F2: variants seen among roughly 807,000 people sequenced by gnomAD.
F2 encodes prothrombin.
A neutral mutation model predicts 81.9 loss-of-function variants in F2; 34 were observed. The observed-to-expected ratio is 0.42, with a 90% confidence interval of 0.32 to 0.55. The LOEUF is 0.55. Among genes scored for constraint, F2 ranks in the 20% least tolerant of loss-of-function variants. The probability of loss-of-function intolerance (pLI) is 0.18; values close to 1 mark genes in which losing one functional copy is unlikely to be tolerated. For missense variants in F2, 630 were observed against 833.4 expected, an observed-to-expected ratio of 0.76 and a Z score of 3.00; for synonymous variants, 296 against 326.4, an observed-to-expected ratio of 0.91 and a Z score of 1.01.
chr11:46,721,841 A>ATTTT (rs1195063307), intron 4 of F2, among the ~76,000 whole-genome samples: 3 of 130,010 alleles, frequency 2.3e-5, no homozygotes, highest in Non-Finnish European at 3.3e-5. Context: ...CCATACTTTC[A>ATTTT]TTTTTTTTTT....
chr11:46,727,984 T>G lies in F2; in HGVS notation c.1131-12T>G. On this transcript the variant is annotated splice_polypyrimidine_tract_variant and intron_variant, in intron 9 of 13. Transcript: ENST00000311907. ...ATCCTCAGCTCCTAATGCTTCCTGCTGCCCCTCCCAGGCAGGTGATGCTTT... is the reference window on the plus strand; with the variant it reads ...ATCCTCAGCTCCTAATGCTTCCTGCGGCCCCTCCCAGGCAGGTGATGCTTT... 1 of 1,604,716 alleles carries G rather than the reference T, an allele frequency of 6.2e-7. No individual in the cohort carries two copies. Among genetic ancestry groups the G allele is most frequent in the Non-Finnish European group, 8.5e-7 (1 of 1,176,652 alleles).
rs1035009675 is a variant in F2, at chr11:46,726,978, C to T, written c.1130+141C>T. 1.5e-5 allele frequency: 19 copies of T among 1,284,972 alleles called. No individual in the cohort carries two copies. Among genetic ancestry groups the T allele is most frequent in the East Asian group, 4.7e-5 (2 of 42,778 alleles). 79.6% of individuals were successfully genotyped at this position (1,284,972 alleles called of 1,614,324 possible). On this transcript the variant is annotated intron_variant, in intron 9 of 13. Transcript: ENST00000311907. The surrounding 1 kb of genome is among the most constrained non-coding windows in gnomAD (Gnocchi z 5.9). ...CCAGGATCCCACCAACTCCACACAG[C>T]AGCCACATGAGATGGGTTGTTTACT... is the stretch of plus-strand genomic sequence containing the variant.
chr11:46,720,358 C>A lies in F2; in HGVS notation c.241-165C>A, dbSNP rs3136433. On this transcript the variant is annotated intron_variant, in intron 2 of 13. Transcript: ENST00000311907. Reference sequence around the variant, plus strand: ...AGGAACTCCCCTATCCTCAAATATTCTTCTCCTTTTGGAAACAAAAGTAGG... The same window carrying A: ...AGGAACTCCCCTATCCTCAAATATTATTCTCCTTTTGGAAACAAAAGTAGG... 0.066 allele frequency among the ~76,000 whole-genome samples: 10,035 copies of A among 152,262 alleles called. 388 individuals are homozygous for A. The highest frequency in any genetic ancestry group is 0.09 in the Non-Finnish European group (6,090 of 68,000).
chr11:46,720,848 A>C lies in F2; in HGVS notation c.316+8A>C. 1 of 1,613,526 alleles carries C rather than the reference A, an allele frequency of 6.2e-7. No homozygotes were observed. The highest frequency in any genetic ancestry group is 8.5e-7 in the Non-Finnish European group (1 of 1,179,618). ...TTGCTGCATGTCTGGAAGGTGAGCA[A>C]CTGACACGGGTTTGGGGAGCAGGAC... On this transcript the variant is annotated splice_region_variant and intron_variant, in intron 4 of 13. Coordinates refer to ENST00000311907, the MANE Select transcript of F2 (RefSeq NM_000506.5).
Position 46,719,842 on chromosome 11 carries a change from C to G in F2, c.220C>G (p.Leu74Val), listed in dbSNP as rs954611364. 2 of 1,575,744 alleles carry G rather than the reference C, an allele frequency of 1.3e-6. No homozygotes were observed. The highest frequency in any genetic ancestry group is 2.7e-5 in the African/African-American group (2 of 74,296). The change falls in exon 2 of 14, where the codon CTG becomes GTG. Residue 74 changes from leucine to valine, a missense_variant. By Grantham distance (32) the Leu-to-Val change is conservative. Coordinates refer to ENST00000311907, the MANE Select transcript of F2 (RefSeq NM_000506.5). The surrounding 1 kb of genome is among the most constrained non-coding windows in gnomAD (Gnocchi z 4.7). Reference protein sequence around the residue: ...TCSYEEAFEALESSTATDVFW... With the variant: ...TCSYEEAFEAVESSTATDVFW... ...CAGCTACGAGGAGGCCTTCGAGGCTCTGGAGTCCTCCACGGCTACGGTGAG... is the reference window on the plus strand; with the variant it reads ...CAGCTACGAGGAGGCCTTCGAGGCTGTGGAGTCCTCCACGGCTACGGTGAG...
At position 46,726,477 on chromosome 11, in the gene F2, C is replaced by T; in HGVS notation, c.875-21C>T. On this transcript the variant is annotated intron_variant, in intron 7 of 13. Transcript: ENST00000311907. The surrounding 1 kb of genome is among the most constrained non-coding windows in gnomAD (Gnocchi z 5.9). The stretch of plus-strand genomic sequence containing the variant: ...GAGGAATGGCCCAGCCCAGTCCCAG[C>T]CGGTGCCTGGGTCCCAACAGAGGAG... The T allele has an allele frequency of 6.2e-7, 1 of 1,610,496 alleles. No individual in the cohort carries two copies. Among genetic ancestry groups the T allele is most frequent in the Non-Finnish European group, 8.5e-7 (1 of 1,178,068 alleles).
rs2064891030 is a variant in F2, at chr11:46,728,593, G to A, written c.1299-71G>A. On this transcript the variant is annotated intron_variant, in intron 10 of 13. Transcript: ENST00000311907. The surrounding 1 kb of genome is among the most constrained non-coding windows in gnomAD (Gnocchi z 5.1). ...GGACACACTGTCTCCCAGACCCCAA[G>A]GGCAGGCAGTTTCCTGCTCCTTGCT... 6.3e-7 allele frequency: 1 copy of A among 1,575,960 alleles called. No individual in the cohort carries two copies. Among genetic ancestry groups the A allele is most frequent in the Non-Finnish European group, 8.7e-7 (1 of 1,147,964 alleles).
At position 46,728,706 on chromosome 11, in the gene F2, C is replaced by A; in HGVS notation, c.1341C>A (p.Ile447=). 1 of 1,614,248 alleles carries A rather than the reference C, an allele frequency of 6.2e-7. No homozygotes were observed. The highest frequency in any genetic ancestry group is 8.5e-7 in the Non-Finnish European group (1 of 1,180,050). ...NIEKISMLEK[I]YIHPRYNWRE... is the part of the protein sequence containing the mutation. ...AAAAGATATCCATGTTGGAAAAGAT[C>A]TACATCCACCCCAGGTACAACTGGC... Residue 447 remains isoleucine (I), a synonymous_variant, in exon 11 of 14, where the codon ATC becomes ATA. Transcript: ENST00000311907. The surrounding 1 kb of genome is among the most constrained non-coding windows in gnomAD (Gnocchi z 5.1).
At chr11:46,724,186 G>A (rs146269967) in intron 6 of F2, among the ~76,000 whole-genome samples, 2 of 152,240 alleles carry the variant, frequency 1.3e-5, no homozygotes, top group Non-Finnish European at 2.9e-5. Context: ...TTGGCCCTGC[G>A]GGATTCTGTC....
chr11:46,735,104 G>A (rs1224572369), intron 12 of F2, among the ~76,000 whole-genome samples: 1 of 152,070 alleles, frequency 6.6e-6, no homozygotes, highest in Non-Finnish European at 1.5e-5. Context: ...TTGAGGCCAG[G>A]AATTCAAAAC....
chr11:46,726,521 G>A lies in F2; in HGVS notation c.898G>A (p.Gly300Arg). 6.2e-7 allele frequency: 1 copy of A among 1,613,996 alleles called. No individual in the cohort carries two copies. The highest frequency in any genetic ancestry group is 8.5e-7 in the Non-Finnish European group (1 of 1,179,898). ...YCEEAVEEET[G>R]DGLDEDSDRA... ...AGAGGAGGCCGTGGAGGAGGAGACA[G>A]GAGATGGGCTGGATGAGGACTCAGA... Residue 300 changes from glycine (G) to arginine (R), a missense_variant, in exon 8 of 14, where the codon GGA (glycine) becomes AGA (arginine). Coordinates refer to ENST00000311907, the MANE Select transcript of F2 (RefSeq NM_000506.5). The surrounding 1 kb of genome is among the most constrained non-coding windows in gnomAD (Gnocchi z 5.9).
chr11:46,723,144 C>T lies in F2; in HGVS notation c.317-36C>T, dbSNP rs1480288799. The T allele has an allele frequency of 3.8e-6, 6 of 1,594,576 alleles. No homozygotes were observed. Among genetic ancestry groups the T allele is most frequent in the African/African-American group, 1.3e-5 (1 of 74,466 alleles). On this transcript the variant is annotated intron_variant, in intron 4 of 13. Transcript: ENST00000311907. The surrounding 1 kb of genome is among the most constrained non-coding windows in gnomAD (Gnocchi z 5.6). ...TGCAGGGAGAGAGGAAATAAGTCCC[C>T]AGGCTCCAAGGCTGACCGGGGTGGG...
intron 12 of F2, among the ~76,000 whole-genome samples, chr11:46,734,825 A>G (rs750170246): frequency 1.1e-4 from 16 of 152,136 alleles, no homozygotes; most frequent in Non-Finnish European, 2.9e-5. Flanking sequence ...ACAAAACGAC[A>G]AAAAACAACA....
Position 46,728,539 on chromosome 11 carries a change from C to A in F2, c.1299-125C>A. ...CCCAGGGGGCTGCCATGGCAGGAAC[C>A]AGCCCTATCCCCTCCCTGGTGGCCT... On this transcript the variant is annotated intron_variant, in intron 10 of 13. Transcript: ENST00000311907. This position sits in a 1 kb window ranked among gnomAD's most constrained non-coding sequence, Gnocchi z 5.1. 2 of 1,114,790 alleles carry A rather than the reference C, an allele frequency of 1.8e-6. No individual in the cohort carries two copies. Among genetic ancestry groups the A allele is most frequent in the Non-Finnish European group, 2.7e-6 (2 of 750,762 alleles). The allele number at this position is 1,114,790 out of a possible 1,614,324, so 69.1% of individuals were successfully genotyped here.
rs1208736214 is a variant in F2, at chr11:46,725,792, C to G, written c.560-67C>G. 7.7e-6 allele frequency: 12 copies of G among 1,561,992 alleles called. No individual in the cohort carries two copies. The East Asian group carries it at 2.5e-4, about 32-fold the overall frequency. On this transcript the variant is annotated intron_variant, in intron 6 of 13. Transcript: ENST00000311907. ...GAAAGCAGCAAGACCGGGGTTCACA[C>G]CCCTGTCTGTTCCGGTCCATGTGTG... is the stretch of plus-strand genomic sequence containing the variant.
In F2 at chr11:46,719,563, C is replaced by G. The variant is rs974089914; in HGVS notation, c.80-139C>G. 8 of 1,201,288 alleles carry G rather than the reference C, an allele frequency of 6.7e-6. No homozygotes were observed. The highest frequency in any genetic ancestry group is 3.0e-5 in the African/African-American group (2 of 66,528). 74.4% of individuals were successfully genotyped at this position (1,201,288 alleles called of 1,614,324 possible). A position where few individuals can be genotyped will look rare whatever the true frequency, so the allele number is the denominator to read the frequency against. On this transcript the variant is annotated intron_variant, in intron 1 of 13. Coordinates refer to ENST00000311907, the MANE Select transcript of F2 (RefSeq NM_000506.5). The surrounding 1 kb of genome is among the most constrained non-coding windows in gnomAD (Gnocchi z 4.7). ...GGGCACAGGGGGCCACATTTAGCAG[C>G]CTTCCAGGCACTTCCACCAGCCCAG... is the stretch of plus-strand genomic sequence containing the variant.
At chr11:46,735,903 C>T (rs1281857350) in intron 12 of F2, among the ~76,000 whole-genome samples, 1 of 142,354 alleles carries the variant, frequency 7.0e-6, no homozygotes, top group African/African-American at 2.6e-5. Context: ...GCCTGGGCAA[C>T]AAGAGTAAAA....
chr11:46,719,729 C>A lies in F2; in HGVS notation c.107C>A (p.Ser36Ter). The A allele has an allele frequency of 1.3e-6, 2 of 1,594,872 alleles. No individual in the cohort carries two copies. The highest frequency in any genetic ancestry group is 1.7e-5 in the Admixed American group (1 of 57,208). Residue 36 changes from serine (S) to a stop codon, truncating the protein, a stop_gained, in exon 2 of 14, where the codon TCG (serine) becomes TAG (stop). Coordinates refer to ENST00000311907, the MANE Select transcript of F2 (RefSeq NM_000506.5). LOFTEE classifies it high-confidence loss of function. This position sits in a 1 kb window ranked among gnomAD's most constrained non-coding sequence, Gnocchi z 4.7. ...HVFLAPQQAR[S>*]LLQRVRRANT... Reference sequence around the variant, plus strand: ...TTCCTGGCTCCTCAGCAAGCACGGTCGCTGCTCCAGCGGGTCCGGCGAGCC... The same window carrying A: ...TTCCTGGCTCCTCAGCAAGCACGGTAGCTGCTCCAGCGGGTCCGGCGAGCC...
intron 4 of F2, among the ~76,000 whole-genome samples, chr11:46,722,404 G>A (rs1024896426): frequency 2.0e-5 from 3 of 152,000 alleles, no homozygotes; most frequent in African/African-American, 7.2e-5. Flanking sequence ...GGCCAACATA[G>A]TGAAACCCCC....
Sources: gnomAD v4.1 joint callset for allele counts (sites outside exome capture counted in the v4.1 genomes callset) on GRCh38, gnomAD v4.1.1 for gene constraint, Gnocchi (gnomAD v3.1) non-coding constraint, MANE v1.5 for transcripts, NCBI Gene and HGNC (gene_info 2026-07-23, HGNC 2026-07-21) for gene names.